Variants in HACE1 observed in about 807,000 individuals in gnomAD.
HACE1 encodes the protein HECT domain and ankyrin repeat containing E3 ubiquitin protein ligase 1.
HACE1 carries 73 observed loss-of-function variants against 118.4 expected under a neutral mutation model. The observed-to-expected ratio is 0.62, with a 90% confidence interval of 0.51 to 0.75. The LOEUF (loss-of-function observed/expected upper bound fraction) is 0.75. Ranked by LOEUF, HACE1 falls within the 30% of genes least tolerant of loss-of-function variation. The pLI is 0.00. For synonymous variants in HACE1, 368 were observed against 374.8 expected, an observed-to-expected ratio of 0.98 and a Z score of 0.21; for missense variants, 749 against 1,102.2, an observed-to-expected ratio of 0.68 and a Z score of 4.54.
chr6:104,784,215 G>A (rs1562361636), intron 13 of HACE1, 42 bp from the exon 14 acceptor site: 1 of 1,104,964 alleles, frequency 9.1e-7, no homozygotes, highest in Non-Finnish European at 1.4e-6. Context: ...GGAAGAATGA[G>A]TAGCATTAAG....
At chr6:104,806,525 A>G (rs935115545) in intron 7 of HACE1, among the ~76,000 whole-genome samples, 5 of 152,168 alleles carry the variant, frequency 3.3e-5, no homozygotes, top group African/African-American at 4.8e-5. Context: ...TAAATAGCTA[A>G]TAACATACAA....
At chr6:104,765,469 CA>C (rs1779892746) in intron 19 of HACE1, among the ~76,000 whole-genome samples, 1 of 152,144 alleles carries the variant, frequency 6.6e-6, no homozygotes, top group South Asian at 2.1e-4. Context: ...GAGGCAACAA[CA>C]ACAAAATAGT....
At chr6:104,810,002 T>C (rs1330546447) in intron 7 of HACE1, among the ~76,000 whole-genome samples, 1 of 152,070 alleles carries the variant, frequency 6.6e-6, no homozygotes, top group African/African-American at 2.4e-5. Context: ...AAGCTGTATT[T>C]TGACATGTTA....
chr6:104,738,539 G>A (rs1267925099), intron 22 of HACE1, among the ~76,000 whole-genome samples: 3 of 150,060 alleles, frequency 2.0e-5, no homozygotes, highest in East Asian at 1.9e-4. Flanking sequence ...CTCAGGAGCT[G>A]ATGTGATCAA....
intron 7 of HACE1, among the ~76,000 whole-genome samples, chr6:104,809,776 C>T (rs1054083274): frequency 2.0e-5 from 3 of 149,626 alleles, no homozygotes; most frequent in Non-Finnish European, 4.4e-5. Context: ...AAGGTAACAA[C>T]ATTAAGGTGG....
At position 104,792,906 on chromosome 6, in the gene HACE1, C is replaced by T. The variant is rs570517553; in HGVS notation, c.924-1252G>A. Among the ~76,000 whole-genome samples the T allele has an allele frequency of 3.3e-5, 5 of 152,268 alleles. No homozygotes were observed. In the South Asian group the frequency reaches 1.0e-3, roughly 32 times the overall value. The stretch of plus-strand genomic sequence containing the variant: ...CAATAAATACCAAGGGCTGCAGAAG[C>T]TCAAGGTTGTTGCTGCCTTTGCTCA... On this transcript the variant is annotated intron_variant, in intron 10 of 23. Transcript: ENST00000262903.
At chr6:104,748,288 T>C (rs1223597948) in intron 20 of HACE1, among the ~76,000 whole-genome samples, 4 of 151,318 alleles carry the variant, frequency 2.6e-5, no homozygotes, top group Non-Finnish European at 5.9e-5. Context: ...ATTACTTAAA[T>C]AGACACTTTG....
At chr6:104,847,410 T>A (rs1388559989) in intron 4 of HACE1, among the ~76,000 whole-genome samples, 1 of 152,232 alleles carries the variant, frequency 6.6e-6, no homozygotes, top group Non-Finnish European at 1.5e-5. Flanking sequence ...TCTATGACCT[T>A]GGGTGTGACA....
At chr6:104,777,917 G>A (rs1479767730) in intron 14 of HACE1, among the ~76,000 whole-genome samples, 1 of 151,938 alleles carries the variant, frequency 6.6e-6, no homozygotes, top group Non-Finnish European at 1.5e-5. Context: ...GCACCACCAC[G>A]CCTGGCTAAT....
chr6:104,773,773 A>T (rs1185626211), intron 17 of HACE1, among the ~76,000 whole-genome samples: 1 of 150,082 alleles, frequency 6.7e-6, no homozygotes, highest in African/African-American at 2.4e-5. Context: ...GACTTTTTTA[A>T]AAAAAAAAAA....
chr6:104,771,240 G>A lies in HACE1; in HGVS notation c.2164C>T (p.Pro722Ser). The A allele has an allele frequency of 1.2e-6, 2 of 1,613,538 alleles. No individual in the cohort carries two copies. Among genetic ancestry groups the A allele is most frequent in the Non-Finnish European group, 1.7e-6 (2 of 1,179,600 alleles). The change falls in exon 19 of 24, where the codon CCT becomes TCT. Residue 722 changes from proline (P) to serine (S), a missense_variant. Coordinates refer to ENST00000262903, the MANE Select transcript of HACE1 (RefSeq NM_020771.4). ...ATACTCCCACCCCCAGGTTTCAAAG[G>A]CACCTCTTCCATTGCTCCAAACACA... is the stretch of plus-strand genomic sequence containing the variant. ...TDVFGAMEEV[P>S]LKPGGGSILV...
intron 11 of HACE1, chr6:104,786,383 A>T (rs558787948): frequency 1.5e-5 from 2 of 133,094 alleles, no homozygotes; most frequent in African/African-American, 2.8e-5. Flanking sequence ...TCTTAATTCC[A>T]AGTAAAGATT....
chr6:104,772,228 T>C (rs1321304397), intron 17 of HACE1, among the ~76,000 whole-genome samples, 154 bp from the exon 18 acceptor site: 2 of 152,200 alleles, frequency 1.3e-5, no homozygotes, highest in Non-Finnish European at 2.9e-5. Context: ...GTGGAAAATA[T>C]AACAAGTGGT....
chr6:104,781,228 T>C lies in HACE1; in HGVS notation c.1566+2858A>G, dbSNP rs1781704668. On this transcript the variant is annotated intron_variant, in intron 14 of 23. Coordinates refer to ENST00000262903, the MANE Select transcript of HACE1 (RefSeq NM_020771.4). Reference sequence around the variant, plus strand: ...GTACAGACTCATAGATTCCTGTTTATGTTGCCATCATTATTTATTTTGATG... The same window carrying C: ...GTACAGACTCATAGATTCCTGTTTACGTTGCCATCATTATTTATTTTGATG... Among the ~76,000 whole-genome samples the C allele has an allele frequency of 2.0e-5, 3 of 152,222 alleles. No individual in the cohort carries two copies. In the South Asian group the frequency reaches 6.2e-4, roughly 31 times the overall value.
rs1412903809 is a variant in HACE1 at position 104,764,915 on chromosome 6, TTG to T, written c.2211+6276_2211+6277del. On this transcript the variant is annotated intron_variant, in intron 19 of 23. Coordinates refer to ENST00000262903, the MANE Select transcript of HACE1 (RefSeq NM_020771.4). ...CAGAGGTTGTGCCAGGCATGCACAATTGTGTCTTTACTCACTGTGTTCCAAGC... is the reference window on the plus strand; with the variant it reads ...CAGAGGTTGTGCCAGGCATGCACAATTGTCTTTACTCACTGTGTTCCAAGC... 2.6e-5 allele frequency among the ~76,000 whole-genome samples: 4 copies of T among 152,334 alleles called. No individual in the cohort carries two copies. In the East Asian group the frequency reaches 7.7e-4, roughly 29 times the overall value.
At chr6:104,769,607 A>G (rs557993385) in intron 19 of HACE1, among the ~76,000 whole-genome samples, 1 of 152,332 alleles carries the variant, frequency 6.6e-6, no homozygotes, top group East Asian at 1.9e-4. Flanking sequence ...AATCTTCTAG[A>G]GCTTAACATG....
At chr6:104,758,200 C>T (rs536532192) in intron 19 of HACE1, among the ~76,000 whole-genome samples, 2 of 152,158 alleles carry the variant, frequency 1.3e-5, no homozygotes, top group East Asian at 3.9e-4. Context: ...ACAGAGAACA[C>T]CACAAAGATA....
rs1376872149 is a variant in HACE1 at position 104,744,185 on chromosome 6, G to GA, written c.2487dup (p.Leu830SerfsTer19). 6.2e-7 allele frequency: 1 copy of GA among 1,601,972 alleles called. No homozygotes were observed. The highest frequency in any genetic ancestry group is 1.3e-5 in the African/African-American group (1 of 74,588). On this transcript the variant is annotated frameshift_variant, in exon 22 of 24. Transcript: ENST00000262903. LOFTEE classifies it high-confidence loss of function. Reference sequence around the variant, plus strand: ...CTGCCCGTAACAAACTGTAAGAGAAGAACTCTCTCCTCTTGAGTAATGTCT... The same window carrying GA: ...CTGCCCGTAACAAACTGTAAGAGAAGAAACTCTCTCCTCTTGAGTAATGTCT...
chr6:104,809,601 G>A (rs1271031607), intron 7 of HACE1, among the ~76,000 whole-genome samples: 1 of 151,572 alleles, frequency 6.6e-6, no homozygotes, highest in African/African-American at 2.4e-5. Context: ...GTAACAACGA[G>A]GCACTGAAAA....
Sources: gnomAD v4.1 joint callset for allele counts (sites outside exome capture counted in the v4.1 genomes callset) on GRCh38, gnomAD v4.1.1 for gene constraint, MANE v1.5 for transcripts, NCBI Gene and HGNC (gene_info 2026-07-23, HGNC 2026-07-21) for gene names.